VPS13B: variants seen among roughly 807,000 people sequenced by gnomAD.
The protein encoded by VPS13B is intermembrane lipid transfer protein VPS13B.
A neutral mutation model predicts 426.4 loss-of-function variants in VPS13B; 285 were observed. The observed-to-expected ratio is 0.67, with a 90% CI of 0.61 to 0.74. The LOEUF (loss-of-function observed/expected upper bound fraction) is 0.74, where lower values mean the gene tolerates loss of function less well. VPS13B is among the 30% of genes least tolerant of loss of function. The pLI is 0.00. For missense variants in VPS13B, 4,537 were observed against 4,782.6 expected, an observed-to-expected ratio of 0.95 and a Z score of 1.51; for synonymous variants, 1,676 against 1,676.4, an observed-to-expected ratio of 1.00 and a Z score of 0.01.
chr8:99,174,103 A>G (rs1042395666), intron 16 of VPS13B, among the ~76,000 whole-genome samples: 1 of 152,204 alleles, frequency 6.6e-6, no homozygotes, highest in Admixed American at 6.5e-5. Context: ...TTCACTTAGC[A>G]TAATGTTTTC....
intron 19 of VPS13B, among the ~76,000 whole-genome samples, chr8:99,373,746 A>G (rs1207918830): frequency 6.6e-6 from 1 of 152,090 alleles, no homozygotes; most frequent in Non-Finnish European, 1.5e-5. Context: ...TGAGCCTGAG[A>G]TGGGAGGATC....
chr8:99,462,223 T>C (rs1818877438), intron 23 of VPS13B, among the ~76,000 whole-genome samples: 1 of 151,776 alleles, frequency 6.6e-6, no homozygotes, highest in African/African-American at 2.4e-5. Flanking sequence ...ATGCACTGTG[T>C]TTTTAGAGAA....
chr8:99,205,804 T>G (rs1362905184), intron 17 of VPS13B, among the ~76,000 whole-genome samples: 1 of 152,218 alleles, frequency 6.6e-6, no homozygotes, highest in East Asian at 1.9e-4. Context: ...ATTCACTGAC[T>G]AAGTCATTTT....
rs755487482 is a variant in VPS13B at position 99,853,415 on chromosome 8, TG to T, written c.10062-30del. Reference sequence around the variant, plus strand: ...AAAGAAGAGAGAAAGAAAAGGTGAGTGGGGGGACTAATGTTCTTGTCCCTTT... The same window carrying T: ...AAAGAAGAGAGAAAGAAAAGGTGAGTGGGGGACTAATGTTCTTGTCCCTTT... On this transcript the variant is annotated intron_variant, in intron 55 of 61. Coordinates refer to ENST00000357162, the MANE Select transcript of VPS13B (RefSeq NM_152564.5). 18 of 1,600,224 alleles carry T rather than the reference TG, an allele frequency of 1.1e-5. No individual in the cohort carries two copies. The East Asian group carries it at 2.7e-4, about 24-fold the overall frequency.
chr8:99,167,155 A>C (rs1378629145), intron 15 of VPS13B, among the ~76,000 whole-genome samples: 1 of 152,170 alleles, frequency 6.6e-6, no homozygotes. Context: ...AATAATCTCT[A>C]AGCAGTTTGA....
chr8:99,819,471 T>G lies in VPS13B; in HGVS notation c.8681T>G (p.Ile2894Arg). ...VPISTSLIKQ[I>R]ATKVHPGGTV... ...ATCTCAACATCCCTCATTAAGCAAA[T>G]AGCCACTAAGGTACACCCTGGAGGC... The change falls in exon 48 of 62, where the codon ATA becomes AGA. Residue 2894 changes from isoleucine (I) to arginine (R), a missense_variant. Coordinates refer to ENST00000357162, the MANE Select transcript of VPS13B (RefSeq NM_152564.5). 1 of 1,613,852 alleles carries G rather than the reference T, an allele frequency of 6.2e-7. No individual in the cohort carries two copies. The highest frequency in any genetic ancestry group is 8.5e-7 in the Non-Finnish European group (1 of 1,179,850).
chr8:99,781,447 C>T (rs1049554795), intron 42 of VPS13B, among the ~76,000 whole-genome samples: 5 of 152,084 alleles, frequency 3.3e-5, no homozygotes, highest in African/African-American at 1.2e-4. Flanking sequence ...AATTATGATT[C>T]CAAGTGAGCA....
chr8:99,277,486 T>A (rs1299837617), intron 19 of VPS13B, among the ~76,000 whole-genome samples: 1 of 152,140 alleles, frequency 6.6e-6, no homozygotes, highest in Admixed American at 6.5e-5. Flanking sequence ...AATTTGGGTG[T>A]ATATGTATAT....
intron 39 of VPS13B, among the ~76,000 whole-genome samples, chr8:99,724,619 G>A (rs1395547512): frequency 2.0e-5 from 3 of 151,816 alleles, no homozygotes; most frequent in South Asian, 2.1e-4. Flanking sequence ...CACAGTTGTC[G>A]TGGAGTATTA....
intron 17 of VPS13B, among the ~76,000 whole-genome samples, chr8:99,205,869 A>C (rs1174251719): frequency 1.3e-5 from 2 of 152,190 alleles, no homozygotes; most frequent in Non-Finnish European, 1.5e-5. Flanking sequence ...ATACCAAACT[A>C]TCTCTGGTAA....
intron 19 of VPS13B, among the ~76,000 whole-genome samples, chr8:99,370,783 T>C (rs1813135592): frequency 6.6e-6 from 1 of 152,018 alleles, no homozygotes; most frequent in South Asian, 2.1e-4. Flanking sequence ...CTAATTTTTG[T>C]ATTTTTAATA....
intron 16 of VPS13B, among the ~76,000 whole-genome samples, chr8:99,190,835 T>C (rs1420096788): frequency 6.6e-6 from 1 of 151,212 alleles, no homozygotes; most frequent in East Asian, 1.9e-4. Context: ...TTCTTCTTCT[T>C]TTTTTTTTAA....
chr8:99,227,339 A>G (rs1288475222), intron 17 of VPS13B, among the ~76,000 whole-genome samples: 1 of 152,176 alleles, frequency 6.6e-6, no homozygotes, highest in African/African-American at 2.4e-5. Flanking sequence ...CGTACATAAT[A>G]TAATTCATAC....
intron 39 of VPS13B, among the ~76,000 whole-genome samples, chr8:99,756,149 T>G (rs1251854237): frequency 6.6e-6 from 1 of 152,088 alleles, no homozygotes; most frequent in Non-Finnish European, 1.5e-5. Flanking sequence ...AATAATGAGA[T>G]TGAAACAATA....
rs140320522 is a variant in VPS13B, at chr8:99,519,649, G to T, written c.4634-1250G>T. Among the ~76,000 whole-genome samples, 262 of 152,230 alleles carry T rather than the reference G, an allele frequency of 1.7e-3. 2 individuals carry two copies. In the East Asian group the frequency reaches 0.046, roughly 27 times the overall value. ...AAAAAATGATGAGTTCACGTCCTTT[G>T]TAGGGACATGGATGAAGCTGGAAAC... On this transcript the variant is annotated intron_variant, in intron 29 of 61. Coordinates refer to ENST00000357162, the MANE Select transcript of VPS13B (RefSeq NM_152564.5).
intron 21 of VPS13B, among the ~76,000 whole-genome samples, chr8:99,397,890 A>T (rs180820618): frequency 7.9e-5 from 12 of 152,332 alleles, no homozygotes; most frequent in African/African-American, 2.6e-4. Flanking sequence ...ACTGCATAAG[A>T]GGTCTTGCAA....
At position 99,520,883 on chromosome 8, in the gene VPS13B, CCTT is replaced by C; in HGVS notation, c.4634-12_4634-10del. 4 of 1,609,080 alleles carry C rather than the reference CCTT, an allele frequency of 2.5e-6. No homozygotes were observed. Among genetic ancestry groups the C allele is most frequent in the East Asian group, 2.2e-5 (1 of 44,812 alleles). On this transcript the variant is annotated splice_polypyrimidine_tract_variant and intron_variant, in intron 29 of 61. Coordinates refer to ENST00000357162, the MANE Select transcript of VPS13B (RefSeq NM_152564.5). ...AGATCCACAGTGTATTCATGAATCTCCTTCTTTTGTTACAGCTAATCAGGCAGC... is the reference window on the plus strand; with the variant it reads ...AGATCCACAGTGTATTCATGAATCTCCTTTTGTTACAGCTAATCAGGCAGC...
chr8:99,381,529 A>G (rs531007868), intron 19 of VPS13B, among the ~76,000 whole-genome samples: 1 of 152,324 alleles, frequency 6.6e-6, no homozygotes, highest in African/African-American at 2.4e-5. Flanking sequence ...CCAACAGTGT[A>G]TAAGTATTGC....
intron 30 of VPS13B, among the ~76,000 whole-genome samples, chr8:99,524,990 C>G (rs1428020359): frequency 6.6e-6 from 1 of 151,940 alleles, no homozygotes; most frequent in Non-Finnish European, 1.5e-5. Flanking sequence ...CAAACAAAAG[C>G]TAAAGGATTT....
Sources: allele counts gnomAD v4.1 joint callset (sites outside exome capture counted in the v4.1 genomes callset), GRCh38; gene constraint gnomAD v4.1.1; transcripts MANE v1.5; gene names NCBI Gene and HGNC (gene_info 2026-07-23, HGNC 2026-07-21).